TAFA2: variants seen among roughly 807,000 people sequenced by gnomAD.
TAFA2 encodes the protein TAFA chemokine like family member 2.
In TAFA2, 7 loss-of-function variants were observed where a neutral mutation model predicts 18.8. The observed-to-expected ratio is 0.37, with a 90% CI of 0.21 to 0.70. TAFA2 has a LOEUF of 0.70. Ranked by LOEUF, TAFA2 falls within the 30% of genes least tolerant of loss-of-function variation. TAFA2 has a pLI of 0.53. For synonymous variants in TAFA2, 60 were observed against 54.2 expected (o/e 1.11, Z -0.47); for missense variants, 122 against 158.1 (o/e 0.77, Z 1.23).
chr12:62,013,760 A>C (rs1282792485), intron 1 of TAFA2, among the ~76,000 whole-genome samples: 1 of 152,220 alleles, frequency 6.6e-6, no homozygotes. Flanking sequence ...CTAATATTAG[A>C]CACTGGGAGA....
chr12:61,894,277 A>T (rs1208148923), intron 1 of TAFA2, among the ~76,000 whole-genome samples: 7 of 152,234 alleles, frequency 4.6e-5, no homozygotes, highest in Non-Finnish European at 8.8e-5. Context: ...CATAACGTAC[A>T]TCATTAAATA....
chr12:61,872,478 C>A (rs527626282), intron 1 of TAFA2, among the ~76,000 whole-genome samples: 2 of 152,208 alleles, frequency 1.3e-5, no homozygotes, highest in African/African-American at 4.8e-5. Context: ...TCATAGGAAC[C>A]AGAATGATCA....
intron 1 of TAFA2, among the ~76,000 whole-genome samples, chr12:62,116,345 G>A (rs150398616): frequency 1.3e-5 from 2 of 152,194 alleles, no homozygotes; most frequent in African/African-American, 4.8e-5. Context: ...CTTGTGGACA[G>A]AGAAAACGTA....
Position 62,118,185 on chromosome 12 carries a change from T to C in TAFA2, c.-2+73074A>G, listed in dbSNP as rs568856438. ...GTTGTACACAAAGAATAATTACATA[T>C]ATATGTATCTAAAGGGATATTTTAG... On this transcript the variant is annotated intron_variant, in intron 1 of 4. Transcript: ENST00000416284. Among the ~76,000 whole-genome samples the C allele has an allele frequency of 2.0e-5, 3 of 152,236 alleles. No individual in the cohort carries two copies. In the East Asian group the frequency reaches 5.8e-4, roughly 29 times the overall value.
chr12:62,032,979 T>A (rs963011310), intron 1 of TAFA2, among the ~76,000 whole-genome samples: 1 of 152,146 alleles, frequency 6.6e-6, no homozygotes, highest in Admixed American at 6.6e-5. Context: ...TAAATAAAAA[T>A]TTTTGATCCA....
intron 1 of TAFA2, among the ~76,000 whole-genome samples, chr12:62,257,008 A>AG (rs1247694418): frequency 7.9e-5 from 12 of 152,102 alleles, no homozygotes; most frequent in African/African-American, 2.7e-4. Context: ...TAGAGGAAGG[A>AG]CAAGGAGAAG....
At chr12:62,035,739 T>C (rs1192037227) in intron 1 of TAFA2, among the ~76,000 whole-genome samples, 7 of 126,588 alleles carry the variant, frequency 5.5e-5, no homozygotes, top group African/African-American at 1.9e-4. Flanking sequence ...CTTTCTTTTT[T>C]TTTTTTTTTT....
At chr12:61,993,786 A>G (rs1301075458) in intron 1 of TAFA2, among the ~76,000 whole-genome samples, 1 of 152,158 alleles carries the variant, frequency 6.6e-6, no homozygotes, top group East Asian at 1.9e-4. Context: ...TCTAACACAG[A>G]GACTAAAGTG....
intron 1 of TAFA2, among the ~76,000 whole-genome samples, chr12:62,038,926 T>C (rs348682): frequency 0.98 from 149,309 of 152,242 alleles, 73,277 homozygotes; most frequent in East Asian, 1. Flanking sequence ...TCCCAAACCC[T>C]TCACATAGCC....
chr12:62,197,397 A>G (rs2062653428), upstream of TAFA2, among the ~76,000 whole-genome samples: 1 of 152,220 alleles, frequency 6.6e-6, no homozygotes, highest in Non-Finnish European at 1.5e-5. Context: ...TTCGCTAAAA[A>G]TCACTTTGGT....
chr12:61,731,613 C>G lies in TAFA2; in HGVS notation c.385-21196G>C, dbSNP rs545188181. On this transcript the variant is annotated intron_variant, in intron 4 of 4. Coordinates refer to ENST00000416284, the MANE Select transcript of TAFA2 (RefSeq NM_178539.5). The stretch of plus-strand genomic sequence containing the variant: ...AGATCATAATTGTTGCATCAGTAGA[C>G]AACTTAATAAACTTCCATGTTCTTT... 2.0e-5 allele frequency among the ~76,000 whole-genome samples: 3 copies of G among 152,190 alleles called. No individual in the cohort carries two copies. In the South Asian group the frequency reaches 6.2e-4, roughly 32 times the overall value.
At chr12:62,076,578 C>T (rs80317407) in intron 1 of TAFA2, among the ~76,000 whole-genome samples, 263 of 152,270 alleles carry the variant, frequency 1.7e-3, no homozygotes, top group Non-Finnish European at 3.3e-3. Context: ...TAAGGTTCGA[C>T]ACCACACATA....
chr12:61,801,459 T>C (rs1333317115), intron 2 of TAFA2, among the ~76,000 whole-genome samples: 1 of 151,936 alleles, frequency 6.6e-6, no homozygotes, highest in Non-Finnish European at 1.5e-5. Flanking sequence ...AATTCACATA[T>C]TTACTGCCAG....
At chr12:62,174,590 A>G (rs1881959) in intron 1 of TAFA2, among the ~76,000 whole-genome samples, 92,188 of 151,902 alleles carry the variant, frequency 0.61, 28,282 homozygotes, top group Middle Eastern at 0.79. Context: ...TAAAGAATTT[A>G]ATCTACCTAT....
At chr12:62,164,856 G>T (rs2062428560) in intron 1 of TAFA2, among the ~76,000 whole-genome samples, 1 of 151,986 alleles carries the variant, frequency 6.6e-6, no homozygotes. Flanking sequence ...GGCACAGAGG[G>T]CTAAACAAAT....
At chr12:61,931,064 A>C (rs932513952) in intron 1 of TAFA2, among the ~76,000 whole-genome samples, 1 of 152,228 alleles carries the variant, frequency 6.6e-6, no homozygotes, top group Non-Finnish European at 1.5e-5. Context: ...CATATAGCTA[A>C]AGAAATTGCG....
chr12:62,108,056 T>C (rs1204468293), intron 1 of TAFA2, among the ~76,000 whole-genome samples: 1 of 152,122 alleles, frequency 6.6e-6, no homozygotes, highest in Non-Finnish European at 1.5e-5. Flanking sequence ...CTTACGTAGG[T>C]ATACACGTGC....
chr12:61,826,962 G>T (rs558801220), intron 2 of TAFA2, among the ~76,000 whole-genome samples: 1 of 152,134 alleles, frequency 6.6e-6, no homozygotes, highest in East Asian at 1.9e-4. Context: ...AAGGACTGCA[G>T]GTTGTTCTCT....
intron 1 of TAFA2, among the ~76,000 whole-genome samples, chr12:61,918,235 A>T (rs1443876026): frequency 1.3e-5 from 2 of 152,062 alleles, no homozygotes; most frequent in East Asian, 3.9e-4. Context: ...CTCCCTAACA[A>T]ATACTAGGTC....
Sources: gnomAD v4.1 joint callset for allele counts (sites outside exome capture counted in the v4.1 genomes callset) on GRCh38, gnomAD v4.1.1 for gene constraint, MANE v1.5 for transcripts, NCBI Gene and HGNC (gene_info 2026-07-23, HGNC 2026-07-21) for gene names.